Variants in QSER1 observed in about 807,000 individuals in gnomAD.
The protein encoded by QSER1 is glutamine and serine-rich protein 1.
A neutral mutation model predicts 158.5 loss-of-function variants in QSER1; 49 were observed. That is an observed-to-expected ratio of 0.31 (90% CI 0.25 to 0.39). The LOEUF (loss-of-function observed/expected upper bound fraction) is 0.39, where lower values mean the gene tolerates loss of function less well. QSER1 is among the 10% of genes least tolerant of loss of function. The probability of loss-of-function intolerance (pLI) is 1.00; values close to 1 mark genes in which losing one functional copy is unlikely to be tolerated. For missense variants in QSER1, 1,754 were observed against 2,010.3 expected, an observed-to-expected ratio of 0.87 and a Z score of 2.44; for synonymous variants, 650 against 715.5, an observed-to-expected ratio of 0.91 and a Z score of 1.46.
chr11:32,915,668 A>G (rs1412640514), intron 1 of QSER1, among the ~76,000 whole-genome samples: 1 of 152,234 alleles, frequency 6.6e-6, no homozygotes, highest in East Asian at 1.9e-4. Flanking sequence ...TTGATTAAAA[A>G]ATAAACAATC....
intron 10 of QSER1, among the ~76,000 whole-genome samples, chr11:32,969,915 C>T (rs1852821332): frequency 6.6e-6 from 1 of 152,092 alleles, no homozygotes; most frequent in South Asian, 2.1e-4. Context: ...GAACTCCTGA[C>T]CTCAGATGAT....
At chr11:32,964,404 C>G (rs1852686055) in intron 8 of QSER1, among the ~76,000 whole-genome samples, 1 of 152,102 alleles carries the variant, frequency 6.6e-6, no homozygotes, top group South Asian at 2.1e-4. Context: ...TGGGGTAAGG[C>G]ACCATCAATT....
At chr11:32,951,161 A>T (rs960197056) in intron 4 of QSER1, among the ~76,000 whole-genome samples, 1 of 152,160 alleles carries the variant, frequency 6.6e-6, no homozygotes, top group African/African-American at 2.4e-5. Context: ...CTATATTTTT[A>T]ATTATAATCA....
intron 1 of QSER1, among the ~76,000 whole-genome samples, chr11:32,898,158 C>A (rs912229870): frequency 1.2e-4 from 19 of 152,174 alleles, no homozygotes; most frequent in African/African-American, 2.4e-5. Flanking sequence ...TCCATGGCTA[C>A]TCCTACATAT....
At chr11:32,964,739 TACAC>T (rs1176492165) in intron 8 of QSER1, among the ~76,000 whole-genome samples, 1,363 of 100,042 alleles carry the variant, frequency 0.014, 87 homozygotes, top group African/African-American at 0.027. Context: ...TATATATATA[TACAC>T]ACACACACAC....
At chr11:32,929,408 C>A (rs1852016597) in intron 3 of QSER1, among the ~76,000 whole-genome samples, 1 of 152,160 alleles carries the variant, frequency 6.6e-6, no homozygotes, top group Non-Finnish European at 1.5e-5. Flanking sequence ...TTTAACAATT[C>A]ATTTTTGCAA....
intron 4 of QSER1, among the ~76,000 whole-genome samples, chr11:32,947,068 A>G (rs1490268331): frequency 1.3e-5 from 2 of 152,180 alleles, no homozygotes; most frequent in African/African-American, 4.8e-5. Flanking sequence ...GAGTGAGGCA[A>G]TGCCTCACCC....
chr11:32,897,437 T>C (rs192461596), intron 1 of QSER1, among the ~76,000 whole-genome samples: 17 of 152,320 alleles, frequency 1.1e-4, no homozygotes, highest in Non-Finnish European at 2.4e-4. Context: ...CTTATTTAAG[T>C]GTTCTTTGTC....
chr11:32,933,546 G>C lies in QSER1; in HGVS notation c.2288G>C (p.Ser763Thr), dbSNP rs370659605. ...CTGCAAGCATCAAAAAAAGAAGAAAGTGTTGTTGGTTCAGTGACACAACTT... is the reference window on the plus strand; with the variant it reads ...CTGCAAGCATCAAAAAAAGAAGAAACTGTTGTTGGTTCAGTGACACAACTT... ...VALQASKKEESVVGSVTQLNQ... is the reference protein window; with the variant it reads ...VALQASKKEETVVGSVTQLNQ... Residue 763 changes from serine (S) to threonine (T), a missense_variant, in exon 4 of 13, where the codon AGT (serine) becomes ACT (threonine). Transcript: ENST00000650167. 7.4e-6 allele frequency: 12 copies of C among 1,613,592 alleles called. No homozygotes were observed. The African/African-American group carries it at 1.6e-4, about 22-fold the overall frequency.
chr11:32,922,927 T>A (rs796812260), intron 1 of QSER1, among the ~76,000 whole-genome samples: 15 of 152,328 alleles, frequency 9.8e-5, no homozygotes, highest in African/African-American at 3.4e-4. Context: ...GAGTTAAAGA[T>A]ACATTACTGT....
intron 1 of QSER1, among the ~76,000 whole-genome samples, chr11:32,925,799 A>T (rs1441559611): frequency 2.0e-5 from 3 of 152,060 alleles, no homozygotes; most frequent in Admixed American, 6.6e-5. Flanking sequence ...AAGTACTGGG[A>T]TTACAGGCAT....
intron 8 of QSER1, 37 bp downstream of exon 8, chr11:32,958,123 A>G: frequency 6.6e-7 from 1 of 1,518,264 alleles, no homozygotes; most frequent in Non-Finnish European, 9.1e-7. Context: ...TGATAACTTT[A>G]GATTATCTAC....
intron 4 of QSER1, among the ~76,000 whole-genome samples, chr11:32,953,053 G>C (rs1031010670): frequency 6.6e-6 from 1 of 151,870 alleles, no homozygotes; most frequent in East Asian, 1.9e-4. Context: ...TGCCCGCCTT[G>C]GCCTCCCAAA....
chr11:32,921,393 G>T (rs1431680574), intron 1 of QSER1, among the ~76,000 whole-genome samples: 1 of 152,158 alleles, frequency 6.6e-6, no homozygotes, highest in Non-Finnish European at 1.5e-5. Flanking sequence ...ATTTGGGGGG[G>T]ATGATCAAAA....
At chr11:32,965,425 A>AT (rs200836655) in intron 8 of QSER1, among the ~76,000 whole-genome samples, 2,832 of 152,226 alleles carry the variant, frequency 0.019, 43 homozygotes, top group South Asian at 0.039. Flanking sequence ...TACTTTAAAC[A>AT]TTTTTAATAC....
chr11:32,926,443 A>C (rs1725703749), intron 1 of QSER1, among the ~76,000 whole-genome samples: 1 of 152,208 alleles, frequency 6.6e-6, no homozygotes, highest in Non-Finnish European at 1.5e-5. Context: ...TAGCAAAAAA[A>C]AGAAAAGTGG....
At chr11:32,940,368 A>T (rs1352500232) in intron 4 of QSER1, among the ~76,000 whole-genome samples, 1 of 152,194 alleles carries the variant, frequency 6.6e-6, no homozygotes, top group Non-Finnish European at 1.5e-5. Context: ...CTGCTTGGTC[A>T]TGACAGATTA....
Position 32,934,991 on chromosome 11 carries a change from C to T in QSER1, c.3733C>T (p.Pro1245Ser), listed in dbSNP as rs1027731089. The T allele has an allele frequency of 6.2e-7, 1 of 1,614,138 alleles. No homozygotes were observed. Among genetic ancestry groups the T allele is most frequent in the Non-Finnish European group, 8.5e-7 (1 of 1,180,000 alleles). The change falls in exon 4 of 13, where the codon CCT (proline) becomes TCT (serine). Residue 1245 changes from proline (P) to serine (S), a missense_variant. Pro to Ser is a moderately conservative substitution (Grantham distance 74). Coordinates refer to ENST00000650167, the MANE Select transcript of QSER1 (RefSeq NM_001076786.3). ...AGATATTTACTTACCGTATACTCCT[C>T]CTTCCTCAGAAAGCTGCCATGATGG... is the stretch of plus-strand genomic sequence containing the variant. ...GTDIYLPYTP[P>S]SSESCHDGYQ...
At chr11:32,930,742 A>G (rs913790977) in intron 3 of QSER1, among the ~76,000 whole-genome samples, 1 of 152,220 alleles carries the variant, frequency 6.6e-6, no homozygotes, top group East Asian at 1.9e-4. Flanking sequence ...AACAATAACT[A>G]TAATGAATAT....
Sources: gnomAD v4.1 joint callset for allele counts (sites outside exome capture counted in the v4.1 genomes callset) on GRCh38, gnomAD v4.1.1 for gene constraint, MANE v1.5 for transcripts, NCBI Gene and HGNC (gene_info 2026-07-23, HGNC 2026-07-21) for gene names.